The following JARID2 variants were observed in gnomAD, a reference collection of about 807,000 sequenced individuals.
JARID2 encodes the protein jumonji and AT-rich interaction domain containing 2, also known as protein Jumonji.
Under a neutral mutation model 125.6 loss-of-function variants are expected in JARID2, and 21 were observed. That is an observed-to-expected ratio of 0.17 (90% CI 0.12 to 0.24). The LOEUF (loss-of-function observed/expected upper bound fraction) is 0.24. JARID2 is among the 10% of genes least tolerant of loss of function. JARID2 has a pLI of 1.00. For synonymous variants in JARID2, 736 were observed against 661.6 expected (o/e 1.11, Z -1.73); for missense variants, 1,303 against 1,639.6 (o/e 0.79, Z 3.55).
intron 1 of JARID2, among the ~76,000 whole-genome samples, chr6:15,340,322 C>T (rs1286596175): frequency 6.6e-6 from 1 of 152,190 alleles, no homozygotes; most frequent in Non-Finnish European, 1.5e-5. Context: ...TGAGGTCATA[C>T]AGCAGGTACA....
At chr6:15,300,679 CATGTT>C (rs539933899) in intron 1 of JARID2, among the ~76,000 whole-genome samples, 155 of 124,008 alleles carry the variant, frequency 1.2e-3, no homozygotes, top group South Asian at 4.4e-3. Flanking sequence ...CCAGTGTCCT[CATGTT>C]GTGTGTGTGT....
chr6:15,344,092 G>T (rs1312578307), intron 1 of JARID2, among the ~76,000 whole-genome samples: 1 of 147,746 alleles, frequency 6.8e-6, no homozygotes, highest in Non-Finnish European at 1.5e-5. Flanking sequence ...TTTTACTTGG[G>T]AGTATGTAGT....
rs754916441 is a variant in JARID2, at chr6:15,468,698, A to G, written c.650A>G (p.Lys217Arg). ...ACCCCCAGGAAAGGAAAAACCCACA[A>G]ACATGTTCACAACGGGCATGGTAGG... ...QSTPRKGKTH[K>R]HVHNGHVFNG... The change falls in exon 5 of 18, where the codon AAA becomes AGA. Residue 217 changes from lysine to arginine, a missense_variant. Physicochemically the swap from Lys to Arg is conservative, Grantham distance 26. Around this residue, in one of 11 missense-constraint regions of JARID2, gnomAD observed 651 missense variants for 581.6 expected, o/e 1.12. Coordinates refer to ENST00000341776, the MANE Select transcript of JARID2 (RefSeq NM_004973.4). The G allele has an allele frequency of 1.7e-5, 27 of 1,613,334 alleles. No individual in the cohort carries two copies. Among genetic ancestry groups the G allele is most frequent in the Non-Finnish European group, 2.3e-5 (27 of 1,179,708 alleles).
chr6:15,357,735 ACT>A (rs906602366), intron 1 of JARID2, among the ~76,000 whole-genome samples: 2 of 151,964 alleles, frequency 1.3e-5, no homozygotes, highest in Non-Finnish European at 2.9e-5. Context: ...TTTTAAAGAA[ACT>A]CTTCTGTTTC....
intron 4 of JARID2, among the ~76,000 whole-genome samples, chr6:15,454,810 TCTC>T (rs1445537201): frequency 2.0e-5 from 3 of 152,130 alleles, no homozygotes; most frequent in African/African-American, 7.2e-5. Context: ...GCTGAAAGAT[TCTC>T]CTGATCTTGC....
intron 3 of JARID2, among the ~76,000 whole-genome samples, chr6:15,431,751 G>C (rs1436864168): frequency 6.6e-6 from 1 of 152,162 alleles, no homozygotes; most frequent in African/African-American, 2.4e-5. Flanking sequence ...TGACCCCATA[G>C]ATTTTTTTCC....
chr6:15,502,508 C>T (rs1170312019), intron 8 of JARID2, among the ~76,000 whole-genome samples: 1 of 152,236 alleles, frequency 6.6e-6, no homozygotes, highest in Admixed American at 6.5e-5. Flanking sequence ...TATCACTAAA[C>T]ACCACCATAC....
At chr6:15,510,721 A>G (rs1343984173) in intron 12 of JARID2, among the ~76,000 whole-genome samples, 1 of 152,120 alleles carries the variant, frequency 6.6e-6, no homozygotes, top group Non-Finnish European at 1.5e-5. Flanking sequence ...CCTGACCCCT[A>G]CTTCACCACA....
At chr6:15,389,239 C>A (rs1764909807) in intron 2 of JARID2, among the ~76,000 whole-genome samples, 2 of 152,226 alleles carry the variant, frequency 1.3e-5, no homozygotes, top group Non-Finnish European at 1.5e-5. Context: ...CAGCTCACTG[C>A]AGCTTGCGTG....
intron 8 of JARID2, 145 bp downstream of exon 8, chr6:15,501,554 G>A (rs1421900971): frequency 4.4e-6 from 3 of 685,926 alleles, no homozygotes; most frequent in South Asian, 2.1e-5. Context: ...GGGTGATAGC[G>A]CTGTATTAGT....
chr6:15,379,556 A>G (rs1764500187), intron 2 of JARID2, among the ~76,000 whole-genome samples: 1 of 152,202 alleles, frequency 6.6e-6, no homozygotes, highest in African/African-American at 2.4e-5. Context: ...TGCTTCCTAT[A>G]AATGTCATCT....
At chr6:15,474,640 C>T (rs895413431) in intron 5 of JARID2, among the ~76,000 whole-genome samples, 2 of 152,146 alleles carry the variant, frequency 1.3e-5, no homozygotes, top group Non-Finnish European at 2.9e-5. Flanking sequence ...GAGGCTGTAT[C>T]ATGGGCAGCA....
Position 15,520,692 on chromosome 6 carries a change from C to A in JARID2, c.*441C>A. 1 of 439,344 alleles carries A rather than the reference C, an allele frequency of 2.3e-6. No homozygotes were observed. Among genetic ancestry groups the A allele is most frequent in the South Asian group, 1.6e-5 (1 of 62,688 alleles). 27.2% of individuals were successfully genotyped at this position (439,344 alleles called of 1,614,324 possible). ...AGAAGGGATAGGAGACACACGCGCA[C>A]ACACACACACACACGAAACTTGAAA... On this transcript the variant is annotated 3_prime_UTR_variant, in exon 18 of 18. Transcript: ENST00000341776.
chr6:15,337,765 G>T (rs1762928924), intron 1 of JARID2, among the ~76,000 whole-genome samples: 1 of 151,332 alleles, frequency 6.6e-6, no homozygotes, highest in Non-Finnish European at 1.5e-5. Context: ...GTTTCTGATA[G>T]GGAAGTTAAC....
rs781630679 is a variant in JARID2, at chr6:15,496,623, C to T, written c.1398C>T (p.Pro466=). 2.1e-5 allele frequency: 33 copies of T among 1,607,292 alleles called. No individual in the cohort carries two copies. The South Asian group carries it at 2.3e-4, about 11-fold the overall frequency. The part of the protein sequence containing the change: ...PPKKMKGAAG[P]AEGPGKKAPA... ...AGAAGATGAAAGGGGCGGCTGGCCC[C>T]GCCGAAGGCCCTGGCAAGAAGGCCC... Residue 466 remains proline, a synonymous_variant, in exon 7 of 18, where the codon CCC becomes CCT. Coordinates refer to ENST00000341776, the MANE Select transcript of JARID2 (RefSeq NM_004973.4).
intron 1 of JARID2, among the ~76,000 whole-genome samples, chr6:15,299,847 C>T (rs1761541563): frequency 6.6e-6 from 1 of 152,062 alleles, no homozygotes; most frequent in Non-Finnish European, 1.5e-5. Context: ...GGTAGTTTGA[C>T]CTGGTTGCTT....
intron 1 of JARID2, among the ~76,000 whole-genome samples, chr6:15,350,176 G>GCATA (rs1379353014): frequency 1.3e-5 from 2 of 152,114 alleles, no homozygotes; most frequent in African/African-American, 4.8e-5. Context: ...GTGACCTGAG[G>GCATA]CATACATCAG....
Position 15,416,510 on chromosome 6 carries a change from AC to A in JARID2, c.323+6149del, listed in dbSNP as rs763833735. 4.5e-3 allele frequency among the ~76,000 whole-genome samples: 677 copies of A among 151,958 alleles called. 6 individuals are homozygous for A. The highest frequency in any genetic ancestry group is 5.3e-3 in the Non-Finnish European group (359 of 67,932). On this transcript the variant is annotated intron_variant, in intron 3 of 17. Transcript: ENST00000341776. ...AGACCAGCCCGGCCAACACAGCGAA[AC>A]CCCGTCTCCACCAAAAAAATACGAA...
chr6:15,303,219 T>C (rs1761697002), intron 1 of JARID2, among the ~76,000 whole-genome samples: 2 of 152,264 alleles, frequency 1.3e-5, no homozygotes, highest in Admixed American at 6.5e-5. Flanking sequence ...TGTGTGATGA[T>C]GATGTAAGGC....
Sources: allele counts gnomAD v4.1 joint callset (sites outside exome capture counted in the v4.1 genomes callset), GRCh38; gene constraint gnomAD v4.1.1; regional missense constraint gnomAD v4.1.1; transcripts MANE v1.5; gene names NCBI Gene and HGNC (gene_info 2026-07-23, HGNC 2026-07-21).